KCNQ1: variants seen among roughly 807,000 people sequenced by gnomAD.
The protein encoded by KCNQ1 is potassium voltage-gated channel subfamily Q member 1, also known as potassium voltage-gated channel subfamily KQT member 1.
Under a neutral mutation model 72.4 loss-of-function variants are expected in KCNQ1, and 49 were observed. The observed-to-expected ratio is 0.68, with a 90% CI of 0.54 to 0.86. The LOEUF (loss-of-function observed/expected upper bound fraction) is 0.86, where lower values mean the gene tolerates loss of function less well. Among genes scored for constraint, KCNQ1 ranks in the 40% least tolerant of loss-of-function variants. The pLI is 0.00. For synonymous variants in KCNQ1, 450 were observed against 412.6 expected, an observed-to-expected ratio of 1.09 and a Z score of -1.10; for missense variants, 790 against 945.1, an observed-to-expected ratio of 0.84 and a Z score of 2.15.
intron 1 of KCNQ1, among the ~76,000 whole-genome samples, chr11:2,504,384 T>C (rs1847065143): frequency 6.6e-6 from 1 of 150,952 alleles, no homozygotes; most frequent in South Asian, 2.1e-4. Flanking sequence ...AAAAAAAAAA[T>C]AGAAAAATGA....
rs1410393804 is a variant in KCNQ1 at position 2,762,093 on chromosome 11, C to T, written c.1515-6751C>T. ...GGTCAGGCACCTATGACTCCCCGTT[C>T]CCTGCCTGCTCCCAGGCTGTTTGGG... On this transcript the variant is annotated intron_variant, in intron 11 of 15. Coordinates refer to ENST00000155840, the MANE Select transcript of KCNQ1 (RefSeq NM_000218.3). The surrounding 1 kb of genome is among the most constrained non-coding windows in gnomAD (Gnocchi z 4.3). 2.6e-5 allele frequency among the ~76,000 whole-genome samples: 4 copies of T among 152,204 alleles called. No homozygotes were observed. The highest frequency in any genetic ancestry group is 5.9e-5 in the Non-Finnish European group (4 of 68,034).
chr11:2,506,083 C>T (rs1847099695), intron 1 of KCNQ1, among the ~76,000 whole-genome samples: 1 of 152,212 alleles, frequency 6.6e-6, no homozygotes, highest in African/African-American at 2.4e-5. Flanking sequence ...GATGCGCACT[C>T]CTACGTTTAC....
Position 2,588,624 on chromosome 11 carries a change from C to A in KCNQ1, c.1252-89C>A. 1 of 1,536,368 alleles carries A rather than the reference C, an allele frequency of 6.5e-7. No individual in the cohort carries two copies. The highest frequency in any genetic ancestry group is 8.9e-7 in the Non-Finnish European group (1 of 1,122,236). On this transcript the variant is annotated intron_variant, in intron 9 of 15. Transcript: ENST00000155840. This position sits in a 1 kb window ranked among gnomAD's most constrained non-coding sequence, Gnocchi z 5.6. ...GGGTGTATGTGGCGGGGGCTGGGCTCGGGGCGGCTGCACAGGCACTCTGGG... is the reference window on the plus strand; with the variant it reads ...GGGTGTATGTGGCGGGGGCTGGGCTAGGGGCGGCTGCACAGGCACTCTGGG...
Position 2,664,648 on chromosome 11 carries a change from C to T in KCNQ1, c.1514+2567C>T. ...CCATAATTAAATTCGGCTCCAGCTG[C>T]TCAGGGATGCAGCGAAGCTCCTGTG... On this transcript the variant is annotated intron_variant, in intron 11 of 15. Coordinates refer to ENST00000155840, the MANE Select transcript of KCNQ1 (RefSeq NM_000218.3). This position sits in a 1 kb window ranked among gnomAD's most constrained non-coding sequence, Gnocchi z 5.1. The T allele has an allele frequency of 5.0e-6, 2 of 398,828 alleles. No homozygotes were observed. The highest frequency in any genetic ancestry group is 8.8e-6 in the Non-Finnish European group (2 of 226,250). 24.7% of individuals were successfully genotyped at this position (398,828 alleles called of 1,614,324 possible).
At chr11:2,714,638 C>T (rs150058693) in intron 11 of KCNQ1, among the ~76,000 whole-genome samples, 4 of 152,218 alleles carry the variant, frequency 2.6e-5, no homozygotes, top group Non-Finnish European at 4.4e-5. Context: ...AAGGAGGAAG[C>T]GGCATGCCAG....
chr11:2,553,174 T>G (rs1051586247), intron 2 of KCNQ1, among the ~76,000 whole-genome samples: 8 of 140,688 alleles, frequency 5.7e-5, no homozygotes, highest in East Asian at 2.1e-4. Context: ...TTTTTTTTTT[T>G]TTGTTTTTTT....
At chr11:2,585,423 T>C in intron 8 of KCNQ1, 116 bp downstream of exon 8, 1 of 934,240 alleles carries the variant, frequency 1.1e-6, no homozygotes, top group South Asian at 1.4e-5. Flanking sequence ...TTGGCTGGCC[T>C]GTGGGGCATA....
At chr11:2,807,459 C>T (rs1294041916) in intron 15 of KCNQ1, among the ~76,000 whole-genome samples, 1 of 152,218 alleles carries the variant, frequency 6.6e-6, no homozygotes, top group East Asian at 1.9e-4. Context: ...CCCCCCACTC[C>T]GGGCCCGGGG....
chr11:2,618,934 C>T (rs983802180), intron 10 of KCNQ1: 13 of 398,062 alleles, frequency 3.3e-5, no homozygotes, highest in Non-Finnish European at 4.4e-5. Flanking sequence ...TTTTTTGATG[C>T]TATCATAAAT....
intron 1 of KCNQ1, among the ~76,000 whole-genome samples, chr11:2,514,549 C>T (rs1847258134): frequency 6.6e-6 from 1 of 152,182 alleles, no homozygotes; most frequent in African/African-American, 2.4e-5. Flanking sequence ...GGCGAGGTGG[C>T]TCATGGGCGC....
chr11:2,737,614 C>T (rs1441770007), intron 11 of KCNQ1, among the ~76,000 whole-genome samples: 1 of 152,182 alleles, frequency 6.6e-6, no homozygotes, highest in Admixed American at 6.5e-5. Flanking sequence ...AATTTGACTC[C>T]GTTCACGGCG....
chr11:2,698,113 T>C lies in KCNQ1; in HGVS notation c.1514+36032T>C, dbSNP rs1473784423. 1 of 398,546 alleles carries C rather than the reference T, an allele frequency of 2.5e-6. No homozygotes were observed. Among genetic ancestry groups the C allele is most frequent in the East Asian group, 3.6e-5 (1 of 28,098 alleles). 24.7% of individuals were successfully genotyped at this position (398,546 alleles called of 1,614,324 possible). A position where few individuals can be genotyped will look rare whatever the true frequency, so the allele number is the denominator to read the frequency against. ...TGAGTAAGGCTGTGTATCAGGCTCT[T>C]GGCTGGGTACAGAGCAGGCAGCAGA... is the stretch of plus-strand genomic sequence containing the variant. On this transcript the variant is annotated intron_variant, in intron 11 of 15. Coordinates refer to ENST00000155840, the MANE Select transcript of KCNQ1 (RefSeq NM_000218.3). This position sits in a 1 kb window ranked among gnomAD's most constrained non-coding sequence, Gnocchi z 5.1.
At chr11:2,514,826 G>A (rs542790673) in intron 1 of KCNQ1, among the ~76,000 whole-genome samples, 3 of 152,250 alleles carry the variant, frequency 2.0e-5, no homozygotes, top group African/African-American at 4.8e-5. Flanking sequence ...ACTCCGTCTC[G>A]AAAAGAGACT....
chr11:2,841,405 G>C (rs1208246576), intron 15 of KCNQ1, among the ~76,000 whole-genome samples: 1 of 152,156 alleles, frequency 6.6e-6, no homozygotes, highest in Non-Finnish European at 1.5e-5. Flanking sequence ...CAGGTTGGGG[G>C]CATAGCCAGG....
At chr11:2,607,940 C>T (rs547487620) in intron 10 of KCNQ1, among the ~76,000 whole-genome samples, 2 of 152,062 alleles carry the variant, frequency 1.3e-5, no homozygotes, top group Non-Finnish European at 2.9e-5. Context: ...CAATAGTATT[C>T]CTATACACTG....
rs960445723 is a variant in KCNQ1, at chr11:2,566,396, C to T, written c.478-4232C>T. ...CTGTACCTTGTCCCGGGGCGGGGCTCTCTCTGCCATGGACGCCAGTCTTCC... is the reference window on the plus strand; with the variant it reads ...CTGTACCTTGTCCCGGGGCGGGGCTTTCTCTGCCATGGACGCCAGTCTTCC... On this transcript the variant is annotated intron_variant, in intron 2 of 15. Transcript: ENST00000155840. The surrounding 1 kb of genome is among the most constrained non-coding windows in gnomAD (Gnocchi z 6.7). Among the ~76,000 whole-genome samples the T allele has an allele frequency of 2.6e-5, 4 of 152,202 alleles. No homozygotes were observed. Among genetic ancestry groups the T allele is most frequent in the Non-Finnish European group, 5.9e-5 (4 of 68,032 alleles).
chr11:2,738,892 C>T (rs541101972), intron 11 of KCNQ1, among the ~76,000 whole-genome samples: 1 of 152,188 alleles, frequency 6.6e-6, no homozygotes, highest in African/African-American at 2.4e-5. Context: ...CCTGTTGTTG[C>T]GGGTGCAGTG....
chr11:2,452,857 C>A (rs575029287), intron 1 of KCNQ1, among the ~76,000 whole-genome samples: 1 of 152,240 alleles, frequency 6.6e-6, no homozygotes, highest in East Asian at 1.9e-4. Context: ...AACAGATGGG[C>A]GGCTTCATGC....
intron 2 of KCNQ1, among the ~76,000 whole-genome samples, chr11:2,560,132 G>T (rs540336872): frequency 8.3e-6 from 1 of 120,746 alleles, no homozygotes; most frequent in Non-Finnish European, 1.9e-5. Context: ...TCTCAGACAT[G>T]GGGGGGAGAT....
Sources: gnomAD v4.1 joint callset for allele counts (sites outside exome capture counted in the v4.1 genomes callset) on GRCh38, gnomAD v4.1.1 for gene constraint, Gnocchi (gnomAD v3.1) non-coding constraint, MANE v1.5 for transcripts, NCBI Gene and HGNC (gene_info 2026-07-23, HGNC 2026-07-21) for gene names.